TPP2: variants seen among roughly 807,000 people sequenced by gnomAD.
The protein encoded by TPP2 is tripeptidyl peptidase 2.
A neutral mutation model predicts 155.9 loss-of-function variants in TPP2; 34 were observed. That is an observed-to-expected ratio of 0.22 (90% CI 0.17 to 0.29). The LOEUF (loss-of-function observed/expected upper bound fraction) is 0.29, where lower values mean the gene tolerates loss of function less well. Ranked by LOEUF, TPP2 falls within the 10% of genes least tolerant of loss-of-function variation. TPP2 has a pLI of 1.00. For missense variants in TPP2, 1,028 were observed against 1,522.3 expected, an observed-to-expected ratio of 0.68 and a Z score of 5.40; for synonymous variants, 510 against 529.4, an observed-to-expected ratio of 0.96 and a Z score of 0.50.
intron 3 of TPP2, among the ~76,000 whole-genome samples, chr13:102,615,485 T>C (rs1352792934): frequency 2.0e-5 from 3 of 152,206 alleles, no homozygotes; most frequent in East Asian, 1.9e-4. Flanking sequence ...TCAGCTGTGT[T>C]GATAAGATGT....
chr13:102,649,496 A>G lies in TPP2; in HGVS notation c.2952+10A>G, dbSNP rs2053868. ...ACTAGGAAAGAAAGCTGTAAGTATT[A>G]GTTTTTTAAACACTGAAATTACCTA... On this transcript the variant is annotated intron_variant, in intron 23 of 29. Transcript: ENST00000376052. 1.0e-3 allele frequency: 1,630 copies of G among 1,598,738 alleles called. 10 individuals carry two copies. In the African/African-American group the frequency reaches 0.018, roughly 18 times the overall value.
At chr13:102,649,757 C>T (rs569851889) in intron 23 of TPP2, among the ~76,000 whole-genome samples, 6 of 152,234 alleles carry the variant, frequency 3.9e-5, no homozygotes, top group African/African-American at 1.4e-4. Context: ...ACGGCTAATA[C>T]ACTTGAACTT....
At chr13:102,660,783 A>G (rs1884161245) in intron 25 of TPP2, among the ~76,000 whole-genome samples, 1 of 152,230 alleles carries the variant, frequency 6.6e-6, no homozygotes, top group Non-Finnish European at 1.5e-5. Context: ...GGTAAGACAT[A>G]TATAGATCAG....
At chr13:102,633,603 A>G (rs1882165913) in intron 10 of TPP2, among the ~76,000 whole-genome samples, 2 of 152,194 alleles carry the variant, frequency 1.3e-5, no homozygotes, top group Admixed American at 1.3e-4. Context: ...GTTTCTTATT[A>G]CAGATAAGAG....
chr13:102,607,606 A>G (rs769073639), intron 2 of TPP2: 7 of 427,024 alleles, frequency 1.6e-5, no homozygotes, highest in Non-Finnish European at 2.4e-5. Flanking sequence ...ATTAATTTTG[A>G]GATGGAGTCT....
rs760691703 is a variant in TPP2, at chr13:102,637,186, A to G, written c.1783A>G (p.Ile595Val). 6.2e-7 allele frequency: 1 copy of G among 1,612,128 alleles called. No individual in the cohort carries two copies. The change falls in exon 14 of 30, where the codon ATA (isoleucine) becomes GTA (valine). Residue 595 changes from isoleucine to valine, a missense_variant. This residue lies in a region of TPP2 where 325 missense variants were observed against 463.7 expected (regional missense o/e 0.70). Transcript: ENST00000376052. ...GGAACTCATGAATCAATGTAGACAC[A>G]TAAACATACGTGTGGATCCCAGGGG... ...HLELMNQCRH[I>V]NIRVDPRGLR... is the part of the protein sequence containing the mutation.
intron 24 of TPP2, among the ~76,000 whole-genome samples, chr13:102,653,367 G>A (rs1171986498): frequency 1.3e-5 from 2 of 151,864 alleles, no homozygotes; most frequent in African/African-American, 2.4e-5. Context: ...AAAATTCCTT[G>A]TAAAATGCAA....
At chr13:102,657,694 C>T (rs1883949906) in intron 25 of TPP2, among the ~76,000 whole-genome samples, 1 of 152,010 alleles carries the variant, frequency 6.6e-6, no homozygotes, top group East Asian at 1.9e-4. Context: ...TTTTATTTTG[C>T]ATATATATGT....
At chr13:102,628,452 T>C (rs1881793633) in intron 8 of TPP2, among the ~76,000 whole-genome samples, 2 of 152,206 alleles carry the variant, frequency 1.3e-5, no homozygotes, top group African/African-American at 4.8e-5. Flanking sequence ...TTGCATCTCA[T>C]CTGCAAAACT....
intron 1 of TPP2, among the ~76,000 whole-genome samples, chr13:102,599,678 A>G (rs1879279996): frequency 6.6e-6 from 1 of 152,182 alleles, no homozygotes; most frequent in Non-Finnish European, 1.5e-5. Flanking sequence ...GCATGAGAAG[A>G]GTAGTAGTTA....
At position 102,616,425 on chromosome 13, in the gene TPP2, T is replaced by A; in HGVS notation, c.420T>A (p.Pro140=). The A allele has an allele frequency of 6.2e-7, 1 of 1,612,662 alleles. No homozygotes were observed. The highest frequency in any genetic ancestry group is 8.5e-7 in the Non-Finnish European group (1 of 1,179,530). ...AACGGAAGGAAAAAATCTGGGACCC[T>A]GTTCACAGAGTGGCCCTTGCAGAAG... ...QKERKEKIWD[P]VHRVALAEAC... is the part of the protein sequence containing the mutation. The change falls in exon 4 of 30, where the codon CCT becomes CCA. Residue 140 remains proline, a synonymous_variant. Coordinates refer to ENST00000376052, the MANE Select transcript of TPP2 (RefSeq NM_001330588.2).
At chr13:102,617,275 T>C (rs1308366824) in intron 4 of TPP2, among the ~76,000 whole-genome samples, 1 of 152,218 alleles carries the variant, frequency 6.6e-6, no homozygotes, top group Non-Finnish European at 1.5e-5. Context: ...AATACTTCAT[T>C]TTTCAGTTAA....
intron 10 of TPP2, among the ~76,000 whole-genome samples, chr13:102,632,349 A>G (rs960929449): frequency 6.6e-6 from 1 of 151,782 alleles, no homozygotes; most frequent in South Asian, 2.1e-4. Flanking sequence ...GGTTCAACCA[A>G]TTCTGCCTCA....
intron 28 of TPP2, 88 bp from the exon 29 acceptor site, chr13:102,676,208 C>A: frequency 8.1e-7 from 1 of 1,234,684 alleles, no homozygotes; most frequent in Non-Finnish European, 1.1e-6. Context: ...AGCTACACTT[C>A]TGTTAAAGCC....
chr13:102,619,944 G>A (rs1881033432), intron 5 of TPP2, among the ~76,000 whole-genome samples: 1 of 152,192 alleles, frequency 6.6e-6, no homozygotes, highest in African/African-American at 2.4e-5. Context: ...GCGTTTTAGT[G>A]TGGGAAAGGA....
chr13:102,663,787 T>A, intron 26 of TPP2, 43 bp downstream of exon 26: 1 of 1,442,518 alleles, frequency 6.9e-7, no homozygotes, highest in Non-Finnish European at 9.3e-7. Flanking sequence ...TGTTTGTAAT[T>A]ATATAAGTTT....
intron 6 of TPP2, among the ~76,000 whole-genome samples, chr13:102,625,663 G>C (rs1371156809): frequency 6.6e-6 from 1 of 152,186 alleles, no homozygotes; most frequent in East Asian, 1.9e-4. Context: ...TTTATCTGGG[G>C]AAAGAAATAA....
chr13:102,597,501 A>C (rs1297584571), intron 1 of TPP2, among the ~76,000 whole-genome samples: 1 of 152,090 alleles, frequency 6.6e-6, no homozygotes, highest in Non-Finnish European at 1.5e-5. Flanking sequence ...CTGCCTGGGG[A>C]AGCCTGGGTC....
chr13:102,610,019 A>G (rs1260322442), intron 2 of TPP2, among the ~76,000 whole-genome samples: 1 of 152,044 alleles, frequency 6.6e-6, no homozygotes, highest in East Asian at 1.9e-4. Context: ...CATCCATAAC[A>G]TGTACTCACA....
Sources: allele counts gnomAD v4.1 joint callset (sites outside exome capture counted in the v4.1 genomes callset), GRCh38; gene constraint gnomAD v4.1.1; regional missense constraint gnomAD v4.1.1; transcripts MANE v1.5; gene names NCBI Gene and HGNC (gene_info 2026-07-23, HGNC 2026-07-21).